The following TRAT1 variants were observed in gnomAD, a reference collection of about 807,000 sequenced individuals.
The protein encoded by TRAT1 is T-cell receptor-associated transmembrane adapter 1.
Under a neutral mutation model 20.0 loss-of-function variants are expected in TRAT1, and 20 were observed. The observed-to-expected ratio is 1.00, with a 90% CI of 0.70 to 1.45. The LOEUF (loss-of-function observed/expected upper bound fraction) is 1.45, where lower values mean the gene tolerates loss of function less well. Among genes scored for constraint, TRAT1 ranks in the 40% most tolerant of loss-of-function variants. The pLI, the probability that TRAT1 is intolerant of heterozygous loss-of-function variation, is 0.00. For missense variants in TRAT1, 237 were observed against 224.1 expected (o/e 1.06, Z -0.37); for synonymous variants, 77 against 74.2 (o/e 1.04, Z -0.20).
intron 2 of TRAT1, among the ~76,000 whole-genome samples, chr3:108,832,166 C>T (rs970944242): frequency 6.6e-6 from 1 of 152,132 alleles, no homozygotes; most frequent in Non-Finnish European, 1.5e-5. Flanking sequence ...CTAGCTGAAG[C>T]CACACATCTA....
chr3:108,850,626 C>A (rs1945990476), intron 5 of TRAT1, among the ~76,000 whole-genome samples: 1 of 152,026 alleles, frequency 6.6e-6, no homozygotes, highest in South Asian at 2.1e-4. Flanking sequence ...ACTAAGAAAC[C>A]AAGATGTAGT....
intron 3 of TRAT1, 122 bp from the exon 4 acceptor site, chr3:108,846,946 G>T (rs1258364938): frequency 1.5e-6 from 1 of 677,452 alleles, no homozygotes; most frequent in East Asian, 2.8e-5. Flanking sequence ...ACCTACCGTG[G>T]TTGGCTGGGG....
chr3:108,835,884 G>T, intron 2 of TRAT1, among the ~76,000 whole-genome samples: 1 of 149,722 alleles, frequency 6.7e-6, no homozygotes, highest in Admixed American at 6.8e-5. Flanking sequence ...AATAGAGTTA[G>T]TTGTTTGTTT....
chr3:108,833,065 T>C (rs1485660331), intron 2 of TRAT1, among the ~76,000 whole-genome samples: 1 of 152,218 alleles, frequency 6.6e-6, no homozygotes, highest in African/African-American at 2.4e-5. Context: ...CAAACTCCTT[T>C]GTGTAGTTGC....
chr3:108,829,616 C>CACACACACACACACACAA (rs1204012891), intron 1 of TRAT1, among the ~76,000 whole-genome samples: 2 of 151,700 alleles, frequency 1.3e-5, no homozygotes, highest in East Asian at 1.9e-4. Flanking sequence ...CACACACACA[C>CACACACACACACACACAA]AACGTTTTGG....
intron 2 of TRAT1, among the ~76,000 whole-genome samples, chr3:108,836,476 G>A (rs1945843537): frequency 6.6e-6 from 1 of 152,024 alleles, no homozygotes; most frequent in Non-Finnish European, 1.5e-5. Context: ...TCAAGAGTGA[G>A]ATTTTAGTAA....
chr3:108,823,561 T>C (rs984159452), intron 1 of TRAT1, among the ~76,000 whole-genome samples: 5 of 152,216 alleles, frequency 3.3e-5, no homozygotes, highest in African/African-American at 1.2e-4. Context: ...AAAGGAAACA[T>C]GCATATTATG....
At chr3:108,829,292 G>A (rs959933935) in intron 1 of TRAT1, among the ~76,000 whole-genome samples, 4 of 152,042 alleles carry the variant, frequency 2.6e-5, no homozygotes, top group Non-Finnish European at 5.9e-5. Flanking sequence ...ATGTAACAAT[G>A]TTTTGGTCTG....
chr3:108,839,608 T>G (rs1396911230), intron 3 of TRAT1, among the ~76,000 whole-genome samples: 2 of 148,978 alleles, frequency 1.3e-5, no homozygotes, highest in African/African-American at 5.0e-5. Context: ...ATGGCACCAC[T>G]GCACTCCAGC....
In TRAT1 at chr3:108,849,147, A is replaced by G. The variant is rs201998749; in HGVS notation, c.215-19A>G. ...TTTTAAATTTTCTATTGTGAATCAC[A>G]ATCTTTTTAATTCCCAAGAACCAAT... On this transcript the variant is annotated intron_variant, in intron 4 of 5. Coordinates refer to ENST00000295756, the MANE Select transcript of TRAT1 (RefSeq NM_016388.4). The G allele has an allele frequency of 1.2e-6, 2 of 1,600,466 alleles. No homozygotes were observed.
chr3:108,833,036 A>C (rs1374717571), intron 2 of TRAT1, among the ~76,000 whole-genome samples: 1 of 152,230 alleles, frequency 6.6e-6, no homozygotes, highest in Non-Finnish European at 1.5e-5. Context: ...ACCCACATGC[A>C]TACCTTTTTG....
At chr3:108,846,168 C>T (rs1945939787) in intron 3 of TRAT1, among the ~76,000 whole-genome samples, 1 of 152,204 alleles carries the variant, frequency 6.6e-6, no homozygotes, top group Non-Finnish European at 1.5e-5. Flanking sequence ...AATCCTAGCA[C>T]TGCCAGTTAC....
Position 108,853,747 on chromosome 3 carries a change from A to T in TRAT1, c.431A>T (p.Asp144Val). 1 of 1,614,144 alleles carries T rather than the reference A, an allele frequency of 6.2e-7. No homozygotes were observed. Among genetic ancestry groups the T allele is most frequent in the Non-Finnish European group, 8.5e-7 (1 of 1,180,002 alleles). ...KDGDEQLHAI[D>V]ASVSKTTLVD... ...GGAGATGAGCAACTACATGCAATAG[A>T]TGCCAGCGTTTCTAAGACCACCTTA... is the stretch of plus-strand genomic sequence containing the variant. The change falls in exon 6 of 6, where the codon GAT becomes GTT. Residue 144 changes from aspartate to valine, a missense_variant. By Grantham distance (152) the Asp-to-Val change is radical. Transcript: ENST00000295756.
chr3:108,831,210 A>G (rs1333155079), intron 2 of TRAT1, among the ~76,000 whole-genome samples: 3 of 152,214 alleles, frequency 2.0e-5, no homozygotes, highest in Non-Finnish European at 4.4e-5. Flanking sequence ...ATGCAACACA[A>G]AAGAGCGGGG....
At chr3:108,853,571 A>G in intron 5 of TRAT1, 49 bp from the exon 6 acceptor site, 1 of 1,560,938 alleles carries the variant, frequency 6.4e-7, no homozygotes, top group Non-Finnish European at 8.7e-7. Context: ...TCCAGAAGTC[A>G]AGCTAAAGAA....
intron 3 of TRAT1, 23 bp from the exon 4 acceptor site, chr3:108,847,045 T>C (rs1945953375): frequency 3.0e-6 from 4 of 1,345,466 alleles, no homozygotes; most frequent in Non-Finnish European, 4.2e-6. Context: ...TCTAATAAGG[T>C]AAATTATTTT....
intron 3 of TRAT1, among the ~76,000 whole-genome samples, chr3:108,843,595 A>T (rs894284790): frequency 6.6e-6 from 1 of 152,168 alleles, no homozygotes; most frequent in Non-Finnish European, 1.5e-5. Context: ...CCTTACAGCT[A>T]CCTCTTCATT....
intron 2 of TRAT1, among the ~76,000 whole-genome samples, chr3:108,838,511 G>C (rs974361666): frequency 1.1e-4 from 17 of 152,024 alleles, no homozygotes; most frequent in African/African-American, 4.1e-4. Flanking sequence ...AGAATGCAGA[G>C]GTGTTTCATG....
At chr3:108,840,037 T>TG (rs1376595195) in intron 3 of TRAT1, among the ~76,000 whole-genome samples, 2 of 152,122 alleles carry the variant, frequency 1.3e-5, no homozygotes, top group African/African-American at 4.8e-5. Context: ...GAAAGGTCTT[T>TG]GAAAAACACA....
Sources: gnomAD v4.1 joint callset for allele counts (sites outside exome capture counted in the v4.1 genomes callset) on GRCh38, gnomAD v4.1.1 for gene constraint, MANE v1.5 for transcripts, NCBI Gene and HGNC (gene_info 2026-07-23, HGNC 2026-07-21) for gene names.